The following ARL17A variants were observed in gnomAD, a reference collection of about 807,000 sequenced individuals.
ARL17A encodes ARF like GTPase 17A, also known as ADP-ribosylation factor-like 17-like.
chr17:46,500,916 A>G, the ARL17A span, among the ~76,000 whole-genome samples: 4 of 151,142 alleles, frequency 2.6e-5, no homozygotes, highest in Admixed American at 1.3e-4. Flanking sequence ...ACTGTGGCTC[A>G]TGCCTGTAAT....
At chr17:46,534,976 C>T (rs1392868778) in intron 4 of ARL17A, among the ~76,000 whole-genome samples, 1 of 149,858 alleles carries the variant, frequency 6.7e-6, no homozygotes, top group Non-Finnish European at 1.5e-5. Flanking sequence ...GACGGGGCGG[C>T]CAGGCAGAGA....
At chr17:46,516,370 C>G (rs1414060069), downstream of ARL17A, among the ~76,000 whole-genome samples, 1 of 133,796 alleles carries the variant, frequency 7.5e-6, no homozygotes, top group East Asian at 2.2e-4. Flanking sequence ...TAATTAAGTA[C>G]TAAAAGATAA....
intron 4 of ARL17A, among the ~76,000 whole-genome samples, chr17:46,534,521 C>G (rs370120827): frequency 1.3e-5 from 2 of 148,166 alleles, no homozygotes; most frequent in Non-Finnish European, 3.0e-5. Context: ...GGGGTAAGGT[C>G]ATAGATCAAC....
downstream of ARL17A, chr17:46,548,178 T>C: frequency 4.5e-6 from 1 of 223,498 alleles, no homozygotes; most frequent in Non-Finnish European, 7.2e-6. Flanking sequence ...GGATTGGGTG[T>C]GTGTTTCTCC....
At chr17:46,516,115 A>G (rs1162655486), downstream of ARL17A, among the ~76,000 whole-genome samples, 1 of 146,684 alleles carries the variant, frequency 6.8e-6, no homozygotes, top group African/African-American at 2.6e-5. Flanking sequence ...CCTGGCTAAC[A>G]TGGTGAAACC....
chr17:46,529,163 A>G (rs1211356186), intron 4 of ARL17A, among the ~76,000 whole-genome samples: 1 of 137,362 alleles, frequency 7.3e-6, no homozygotes, highest in Non-Finnish European at 1.6e-5. Context: ...AACATAGCTC[A>G]TCTATCTGGA....
intron 2 of ARL17A, among the ~76,000 whole-genome samples, chr17:46,575,641 CAT>C (rs1190440379): frequency 3.1e-5 from 3 of 97,914 alleles, no homozygotes; most frequent in Admixed American, 1.0e-4. Flanking sequence ...CATGTGTTCA[CAT>C]GTCTCCCTTG....
At chr17:46,541,395 G>A (rs1452422626) in intron 3 of ARL17A, among the ~76,000 whole-genome samples, 1 of 147,908 alleles carries the variant, frequency 6.8e-6, no homozygotes, top group Non-Finnish European at 1.5e-5. Flanking sequence ...GGGATTACAG[G>A]CGCATGCCAC....
chr17:46,537,161 CTTTTTTTTTTTTTTT>C (rs1212155417), intron 4 of ARL17A, among the ~76,000 whole-genome samples: 1 of 7,782 alleles, frequency 1.3e-4, no homozygotes, highest in Non-Finnish European at 2.5e-4. Context: ...TTGGATGTCT[CTTTTTTTTTTTTTTT>C]TTTTTTTTTT....
At chr17:46,543,501 C>T (rs1018843604) in intron 3 of ARL17A, among the ~76,000 whole-genome samples, 3 of 150,794 alleles carry the variant, frequency 2.0e-5, no homozygotes, top group African/African-American at 5.0e-5. Context: ...GTATACGGAC[C>T]GCATAGTAGA....
At position 46,568,511 on chromosome 17, in the gene ARL17A, AAG is replaced by A. The variant is rs2146021341; in HGVS notation, c.259+2246_259+2247del. On this transcript the variant is annotated intron_variant, in intron 3 of 3. Coordinates refer to ENST00000336125, the MANE Select transcript of ARL17A (RefSeq NM_001113738.2). ...ATAAGCAGTTAAAAAAAAAAAAAAA[AAG>A]AGGGGGGGAGGCCAGGCGAGGTGGC... Among the ~76,000 whole-genome samples, 2 of 118,100 alleles carry A rather than the reference AAG, an allele frequency of 1.7e-5. 1 individual carries two copies. Among genetic ancestry groups the A allele is most frequent in the African/African-American group, 6.8e-5 (2 of 29,270 alleles). The allele number at this position is 118,100 out of a possible 152,430, so 77.5% of individuals were successfully genotyped here.
intron 3 of ARL17A, among the ~76,000 whole-genome samples, chr17:46,558,062 GT>G (rs1219618738): frequency 7.3e-6 from 1 of 137,514 alleles, no homozygotes; most frequent in Admixed American, 7.2e-5. Context: ...AGTTTTGTTT[GT>G]TTTTTTTTCT....
At position 46,558,388 on chromosome 17, in the gene ARL17A, T is replaced by TTTGG. The variant is rs944314782; in HGVS notation, c.260-759_260-758insCCAA. Among the ~76,000 whole-genome samples, 4 of 105,520 alleles carry TTTGG rather than the reference T, an allele frequency of 3.8e-5. 1 individual carries two copies. Among genetic ancestry groups the TTTGG allele is most frequent in the African/African-American group, 1.7e-4 (4 of 23,924 alleles). The allele number at this position is 105,520 out of a possible 152,430, so 69.2% of individuals were successfully genotyped here. ...TTTGGGTTTTGGGGTTTTTTTTGTGTTTTGTTTGTTTGTTTGTTTTTGGAG... is the reference window on the plus strand; with the variant it reads ...TTTGGGTTTTGGGGTTTTTTTTGTGTTTGGTTTGTTTGTTTGTTTGTTTTTGGAG... On this transcript the variant is annotated intron_variant, in intron 3 of 3. Coordinates refer to ENST00000336125, the MANE Select transcript of ARL17A (RefSeq NM_001113738.2).
chr17:46,519,779 T>C (rs1274169988), intron 3 of ARL17A, among the ~76,000 whole-genome samples: 2 of 149,828 alleles, frequency 1.3e-5, no homozygotes, highest in East Asian at 3.9e-4. Flanking sequence ...AGTTCTCCAG[T>C]TTTTTTGATG....
At chr17:46,545,306 C>T (rs1318612490) in intron 3 of ARL17A, among the ~76,000 whole-genome samples, 2 of 146,326 alleles carry the variant, frequency 1.4e-5, no homozygotes, top group African/African-American at 5.4e-5. Flanking sequence ...AAAAAATTAG[C>T]TGGGCATGGT....
the ARL17A span, among the ~76,000 whole-genome samples, chr17:46,501,703 A>G: frequency 1.3e-5 from 2 of 151,358 alleles, no homozygotes; most frequent in South Asian, 2.1e-4. Context: ...CCACAGAATG[A>G]TATCTCATTG....
At position 46,558,553 on chromosome 17, in the gene ARL17A, ATTTTTTTTT is replaced by A. The variant is rs58227880; in HGVS notation, c.260-932_260-924del. Among the ~76,000 whole-genome samples the A allele has an allele frequency of 3.7e-3, 369 of 100,094 alleles. 11 individuals carry two copies. The highest frequency in any genetic ancestry group is 4.8e-3 in the Admixed American group (47 of 9,708). The allele number at this position is 100,094 out of a possible 152,430, so 65.7% of individuals were successfully genotyped here. ...AGGCACCCACCACCATGCCCGGCCA[ATTTTTTTTT>A]TTTTTTTTTTTCTAAAAACAGTTTC... On this transcript the variant is annotated intron_variant, in intron 3 of 3. Coordinates refer to ENST00000336125, the MANE Select transcript of ARL17A (RefSeq NM_001113738.2).
rs534983454 is a variant in ARL17A, at chr17:46,533,518, T to A, written c.336-4659A>T. On this transcript the variant is annotated intron_variant, in intron 4 of 4. Transcript: ENST00000329240. Reference sequence around the variant, plus strand: ...TTTCTTTTTTTTTTTTTTCTTTATTTTGGGACAGAGTCTCACTCTGTTGCC... The same window carrying A: ...TTTCTTTTTTTTTTTTTTCTTTATTATGGGACAGAGTCTCACTCTGTTGCC... Among the ~76,000 whole-genome samples, 4 of 145,126 alleles carry A rather than the reference T, an allele frequency of 2.8e-5. No homozygotes were observed. The East Asian group carries it at 7.9e-4, about 29-fold the overall frequency.
At chr17:46,530,355 G>C (rs1323666837) in intron 4 of ARL17A, among the ~76,000 whole-genome samples, 2 of 141,896 alleles carry the variant, frequency 1.4e-5, no homozygotes, top group African/African-American at 5.3e-5. Context: ...TACTTAACCA[G>C]TCATGTGGCA....
Sources: gnomAD v4.1 joint callset for allele counts (sites outside exome capture counted in the v4.1 genomes callset) on GRCh38, gnomAD v4.1.1 for gene constraint, MANE v1.5 for transcripts, NCBI Gene and HGNC (gene_info 2026-07-23, HGNC 2026-07-21) for gene names.